Variants in ROCK2 observed in about 807,000 individuals in gnomAD.
ROCK2 encodes the protein rho-associated protein kinase 2.
Under a neutral mutation model 195.1 loss-of-function variants are expected in ROCK2, and 61 were observed. That is an observed-to-expected ratio of 0.31 (90% CI 0.25 to 0.39). The LOEUF (loss-of-function observed/expected upper bound fraction) is 0.39. Ranked by LOEUF, ROCK2 falls within the 10% of genes least tolerant of loss-of-function variation. ROCK2 has a pLI of 1.00. For missense variants in ROCK2, 1,109 were observed against 1,637.4 expected, an observed-to-expected ratio of 0.68 and a Z score of 5.57; for synonymous variants, 504 against 545.5, an observed-to-expected ratio of 0.92 and a Z score of 1.06.
intron 1 of ROCK2, among the ~76,000 whole-genome samples, chr2:11,307,781 C>A (rs1572389388): frequency 6.6e-6 from 1 of 152,164 alleles, no homozygotes; most frequent in South Asian, 2.1e-4. Flanking sequence ...AGGAAAAAAA[C>A]CAACAGATTG....
Position 11,198,512 on chromosome 2 carries a change from T to C in ROCK2, c.3078A>G (p.Thr1026=). Residue 1026 remains threonine (T), a synonymous_variant, in exon 25 of 33, where the codon ACA becomes ACG. Transcript: ENST00000315872. ...IKAQFEKQLL[T]ERTLKTQAVN... ...ATACTTGAGTTTTGAGTGTTCTTTC[T>C]GTTAATAGCTGCTTCTCAAACTGTG... 2.5e-6 allele frequency: 4 copies of C among 1,611,066 alleles called. No homozygotes were observed. The highest frequency in any genetic ancestry group is 2.5e-6 in the Non-Finnish European group (3 of 1,178,050).
At chr2:11,241,792 T>C (rs1431651848) in intron 4 of ROCK2, among the ~76,000 whole-genome samples, 2 of 152,204 alleles carry the variant, frequency 1.3e-5, no homozygotes, top group East Asian at 3.8e-4. Context: ...ATGGTCTGAA[T>C]GTTTTGTGTT....
chr2:11,334,081 T>C (rs140131659), intron 1 of ROCK2, among the ~76,000 whole-genome samples: 3 of 152,336 alleles, frequency 2.0e-5, no homozygotes, highest in African/African-American at 7.2e-5. Flanking sequence ...CCTGCATATA[T>C]AGATGTTTAC....
At chr2:11,309,613 T>C (rs185836572) in intron 1 of ROCK2, among the ~76,000 whole-genome samples, 4 of 152,286 alleles carry the variant, frequency 2.6e-5, no homozygotes, top group South Asian at 2.1e-4. Context: ...AAAATTGTTT[T>C]AAAAATCACA....
intron 3 of ROCK2, among the ~76,000 whole-genome samples, chr2:11,257,375 C>T (rs753426479): frequency 7.9e-5 from 12 of 151,616 alleles, no homozygotes; most frequent in Admixed American, 1.3e-4. Context: ...TTACTGCTGA[C>T]GCTTCTGTCA....
At chr2:11,191,421 G>C (rs1363773485) in intron 32 of ROCK2, among the ~76,000 whole-genome samples, 1 of 152,024 alleles carries the variant, frequency 6.6e-6, no homozygotes, top group Non-Finnish European at 1.5e-5. Context: ...TTACCCATTA[G>C]CTAATATTTG....
intron 3 of ROCK2, among the ~76,000 whole-genome samples, chr2:11,283,886 G>A (rs924445350): frequency 6.6e-6 from 1 of 152,188 alleles, no homozygotes; most frequent in Non-Finnish European, 1.5e-5. Context: ...CTTATCCTAT[G>A]ATCCAGCAAT....
chr2:11,282,527 G>C (rs544392579), intron 3 of ROCK2, among the ~76,000 whole-genome samples: 1 of 147,870 alleles, frequency 6.8e-6, no homozygotes, highest in South Asian at 2.1e-4. Context: ...CATAAATATA[G>C]TCAACTGATC....
rs780436707 is a variant in ROCK2, at chr2:11,263,153, T to C, written c.325-13355A>G. On this transcript the variant is annotated intron_variant, in intron 3 of 32. Transcript: ENST00000315872. ...AAAGTTGAGTTTACATGAGTAGCATTGGAAAATCATGCCCCCAACATCCTT... is the reference window on the plus strand; with the variant it reads ...AAAGTTGAGTTTACATGAGTAGCATCGGAAAATCATGCCCCCAACATCCTT... Among the ~76,000 whole-genome samples, 14 of 152,294 alleles carry C rather than the reference T, an allele frequency of 9.2e-5. 2 individuals are homozygous for C. The highest frequency in any genetic ancestry group is 3.4e-3 in the Middle Eastern group (1 of 294).
upstream of ROCK2, chr2:11,344,677 C>T (rs1448645771): frequency 3.8e-5 from 6 of 156,678 alleles, no homozygotes; most frequent in East Asian, 9.9e-4. The surrounding 1 kb of genome is among the most constrained non-coding windows in gnomAD (Gnocchi z 5.4). Context: ...CCTCCGCCCG[C>T]AGCCGCCGGC....
chr2:11,308,344 C>A, intron 1 of ROCK2: 1 of 1,191,314 alleles, frequency 8.4e-7, no homozygotes, highest in Non-Finnish European at 1.3e-6. Flanking sequence ...ATAAAGAATT[C>A]CCATTTGATG....
At chr2:11,299,811 G>A (rs1021271906) in intron 1 of ROCK2, among the ~76,000 whole-genome samples, 4 of 152,172 alleles carry the variant, frequency 2.6e-5, no homozygotes, top group African/African-American at 2.4e-5. Flanking sequence ...CTTCTCAACA[G>A]AAACCAGAGA....
chr2:11,317,581 T>TATATATAAAAAAAAAAAAA (rs1387281133), intron 1 of ROCK2, among the ~76,000 whole-genome samples: 3 of 10,976 alleles, frequency 2.7e-4, no homozygotes, highest in African/African-American at 1.0e-3. Context: ...CACATTTATA[T>TATATATAAAAAAAAAAAAA]ATATATATAT....
At chr2:11,343,821 T>C (rs1023402531) in intron 1 of ROCK2, among the ~76,000 whole-genome samples, 175 bp downstream of exon 1, 2 of 152,152 alleles carry the variant, frequency 1.3e-5, no homozygotes, top group South Asian at 2.1e-4. Flanking sequence ...GGCGGGTCAC[T>C]ACTCTTGGAA....
In ROCK2 at chr2:11,327,403, C is replaced by T. The variant is rs190124443; in HGVS notation, c.141+16593G>A. Among the ~76,000 whole-genome samples the T allele has an allele frequency of 4.7e-4, 71 of 152,116 alleles. 2 individuals carry two copies. The highest frequency in any genetic ancestry group is 3.1e-3 in the Admixed American group (48 of 15,274). On this transcript the variant is annotated intron_variant, in intron 1 of 32. Coordinates refer to ENST00000315872, the MANE Select transcript of ROCK2 (RefSeq NM_004850.5). ...CATGGGATTAAGTGAATGAATTAAG[C>T]GAAAAGAAAGACAACTGGAGATGAT...
chr2:11,341,708 T>C (rs1669111332), intron 1 of ROCK2, among the ~76,000 whole-genome samples: 1 of 152,276 alleles, frequency 6.6e-6, no homozygotes, highest in South Asian at 2.1e-4. Context: ...GTATTTCCCA[T>C]GGCAAAACCA....
intron 5 of ROCK2, among the ~76,000 whole-genome samples, chr2:11,233,432 A>G (rs1047651636): frequency 2.6e-5 from 4 of 152,178 alleles, no homozygotes; most frequent in Non-Finnish European, 5.9e-5. Context: ...ATTCACAGCC[A>G]TTCTGGAGAT....
At chr2:11,296,011 A>G (rs1281199869) in intron 1 of ROCK2, among the ~76,000 whole-genome samples, 151 of 85,386 alleles carry the variant, frequency 1.8e-3, no homozygotes, top group South Asian at 2.7e-3. Context: ...GAGAGGAGAG[A>G]GAGAGAGAGA....
rs1394318700 is a variant in ROCK2 at position 11,319,858 on chromosome 2, T to C, written c.141+24138A>G. Reference sequence around the variant, plus strand: ...TAATTTTTAAATACCACGGATATTTTATACTATATTATCATAATAAATTAT... The same window carrying C: ...TAATTTTTAAATACCACGGATATTTCATACTATATTATCATAATAAATTAT... On this transcript the variant is annotated intron_variant, in intron 1 of 32. Coordinates refer to ENST00000315872, the MANE Select transcript of ROCK2 (RefSeq NM_004850.5). Among the ~76,000 whole-genome samples the C allele has an allele frequency of 2.6e-5, 4 of 152,222 alleles. 1 individual carries two copies. Among genetic ancestry groups the C allele is most frequent in the Non-Finnish European group, 5.9e-5 (4 of 68,034 alleles).
Sources: allele counts gnomAD v4.1 joint callset (sites outside exome capture counted in the v4.1 genomes callset), GRCh38; gene constraint gnomAD v4.1.1; non-coding constraint Gnocchi (gnomAD v3.1); transcripts MANE v1.5; gene names NCBI Gene and HGNC (gene_info 2026-07-23, HGNC 2026-07-21).